SNX30: variants seen among roughly 807,000 people sequenced by gnomAD.
SNX30 encodes the protein sorting nexin-30.
A neutral mutation model predicts 46.4 loss-of-function variants in SNX30; 24 were observed. That is an observed-to-expected ratio of 0.52 (90% CI 0.37 to 0.73). The LOEUF (loss-of-function observed/expected upper bound fraction) is 0.73, where lower values mean the gene tolerates loss of function less well. Among genes scored for constraint, SNX30 ranks in the 30% least tolerant of loss-of-function variants. SNX30 has a pLI of 0.00. For synonymous variants in SNX30, 189 were observed against 211.5 expected (o/e 0.89, Z 0.92); for missense variants, 533 against 555.7 (o/e 0.96, Z 0.41).
At chr9:112,781,879 T>C (rs1416484576) in intron 1 of SNX30, among the ~76,000 whole-genome samples, 2 of 151,446 alleles carry the variant, frequency 1.3e-5, no homozygotes, top group Admixed American at 6.6e-5. Flanking sequence ...TGAAATCAGG[T>C]GATCCACCCG....
Position 112,750,870 on chromosome 9 carries a change from C to G in SNX30, c.-132C>G, listed in dbSNP as rs1839261363. 3.6e-6 allele frequency: 3 copies of G among 830,234 alleles called. No individual in the cohort carries two copies. Among genetic ancestry groups the G allele is most frequent in the Non-Finnish European group, 4.5e-6 (3 of 672,190 alleles). The allele number at this position is 830,234 out of a possible 1,614,324, so 51.4% of individuals were successfully genotyped here. A position where few individuals can be genotyped will look rare whatever the true frequency, so the allele number is the denominator to read the frequency against. On this transcript the variant is annotated 5_prime_UTR_variant, in exon 1 of 9. Transcript: ENST00000374232. Reference sequence around the variant, plus strand: ...GAGACCAGCCGGCGGGTGGCGGCGGCCCCCAGCACGGCCGGTGCAAGGCCT... The same window carrying G: ...GAGACCAGCCGGCGGGTGGCGGCGGGCCCCAGCACGGCCGGTGCAAGGCCT...
At chr9:112,795,441 C>T (rs1255000316) in intron 1 of SNX30, among the ~76,000 whole-genome samples, 1 of 152,010 alleles carries the variant, frequency 6.6e-6, no homozygotes, top group African/African-American at 2.4e-5. Context: ...TTTTGATAGG[C>T]AAGGGATTGA....
At chr9:112,807,788 A>G (rs1840253810) in intron 2 of SNX30, among the ~76,000 whole-genome samples, 1 of 152,190 alleles carries the variant, frequency 6.6e-6, no homozygotes, top group Non-Finnish European at 1.5e-5. Flanking sequence ...ACTGCAACTC[A>G]CCAGTCTTTC....
chr9:112,786,025 C>G (rs528252576), intron 1 of SNX30, among the ~76,000 whole-genome samples: 1 of 151,960 alleles, frequency 6.6e-6, no homozygotes, highest in Non-Finnish European at 1.5e-5. Context: ...GCTTATTGAT[C>G]TCTTGCATAT....
At chr9:112,763,360 C>CTTTTTTTTT (rs751720343) in intron 1 of SNX30, among the ~76,000 whole-genome samples, 1 of 47,566 alleles carries the variant, frequency 2.1e-5, no homozygotes, top group Non-Finnish European at 3.4e-5. Flanking sequence ...GCTATTTAAA[C>CTTTTTTTTT]TTTTTTTTTT....
In SNX30 at chr9:112,837,882, C is replaced by CT. The variant is rs1564286998; in HGVS notation, c.815-612dup. On this transcript the variant is annotated intron_variant, in intron 5 of 8. Coordinates refer to ENST00000374232, the MANE Select transcript of SNX30 (RefSeq NM_001012994.2). ...TCACACTATGGGTAGGCGAGTGGTT[C>CT]TTTTCTTTTTTTTTTTTTTTTTTTT... 8.7e-5 allele frequency among the ~76,000 whole-genome samples: 12 copies of CT among 137,816 alleles called. 1 individual carries two copies. Among genetic ancestry groups the CT allele is most frequent in the Non-Finnish European group, 1.1e-4 (7 of 65,890 alleles). 90.4% of individuals were successfully genotyped at this position (137,816 alleles called of 152,430 possible).
intron 4 of SNX30, among the ~76,000 whole-genome samples, chr9:112,833,049 T>C (rs1276445577): frequency 1.3e-5 from 2 of 151,970 alleles, no homozygotes; most frequent in Non-Finnish European, 1.5e-5. Context: ...AAAATTGTGA[T>C]AAAATACACC....
At chr9:112,778,270 C>CTTTT (rs1001151120) in intron 1 of SNX30, among the ~76,000 whole-genome samples, 8 of 123,350 alleles carry the variant, frequency 6.5e-5, no homozygotes, top group East Asian at 2.4e-4. Context: ...GGCCATATTC[C>CTTTT]TTTTTTTTTT....
At chr9:112,761,837 A>T (rs1041799696) in intron 1 of SNX30, among the ~76,000 whole-genome samples, 1 of 152,152 alleles carries the variant, frequency 6.6e-6, no homozygotes, top group Non-Finnish European at 1.5e-5. Context: ...TGCCTCCAGG[A>T]AGCTCTTTTT....
At chr9:112,789,671 T>C (rs953148866) in intron 1 of SNX30, among the ~76,000 whole-genome samples, 2 of 152,196 alleles carry the variant, frequency 1.3e-5, no homozygotes, top group African/African-American at 4.8e-5. Context: ...ATCATAAGAA[T>C]GTCTGGAGAA....
At chr9:112,850,808 G>A in intron 6 of SNX30, 51 bp from the exon 7 acceptor site, 1 of 1,400,936 alleles carries the variant, frequency 7.1e-7, no homozygotes, top group Non-Finnish European at 1.0e-6. Context: ...GGGGGTGGGA[G>A]GCCCCTTTGT....
chr9:112,876,741 G>T (rs1244372535), downstream of SNX30, among the ~76,000 whole-genome samples: 1 of 151,322 alleles, frequency 6.6e-6, no homozygotes, highest in Non-Finnish European at 1.5e-5. Context: ...GTTCGAGACC[G>T]GCCTAGCCAA....
chr9:112,760,472 C>T (rs1327643912), intron 1 of SNX30, among the ~76,000 whole-genome samples: 1 of 152,122 alleles, frequency 6.6e-6, no homozygotes, highest in Non-Finnish European at 1.5e-5. Flanking sequence ...GCAGTCTTTC[C>T]TGAGATTTAT....
At chr9:112,866,721 C>CTCCTCAGAACTCCTCCCACA (rs1402426942) in intron 8 of SNX30, among the ~76,000 whole-genome samples, 1 of 151,788 alleles carries the variant, frequency 6.6e-6, no homozygotes, top group Non-Finnish European at 1.5e-5. Context: ...TTCCTCCCAC[C>CTCCTCAGAACTCCTCCCACA]TCCTCAGAAC....
At chr9:112,809,426 TG>T (rs1350256115) in intron 2 of SNX30, among the ~76,000 whole-genome samples, 1 of 152,144 alleles carries the variant, frequency 6.6e-6, no homozygotes, top group Non-Finnish European at 1.5e-5. Flanking sequence ...TACCCAGCAC[TG>T]TGGTCCAGTA....
chr9:112,879,561 G>C, downstream of SNX30: 1 of 539,134 alleles, frequency 1.9e-6, no homozygotes, highest in Non-Finnish European at 3.4e-6. Flanking sequence ...AGCTGAGAAC[G>C]TTTTTCCATC....
At chr9:112,880,804 T>C (rs1841566916) in intron 5 of SNX30, among the ~76,000 whole-genome samples, 1 of 152,224 alleles carries the variant, frequency 6.6e-6, no homozygotes, top group Non-Finnish European at 1.5e-5. Flanking sequence ...TTTTTATCCA[T>C]TTATGGCATC....
At chr9:112,769,811 C>T (rs1839616594) in intron 1 of SNX30, among the ~76,000 whole-genome samples, 1 of 152,188 alleles carries the variant, frequency 6.6e-6, no homozygotes, top group Admixed American at 6.5e-5. Flanking sequence ...CCACTGCCTT[C>T]TTGATGTTTA....
At chr9:112,769,431 G>A (rs990448428) in intron 1 of SNX30, among the ~76,000 whole-genome samples, 1 of 152,204 alleles carries the variant, frequency 6.6e-6, no homozygotes, top group Non-Finnish European at 1.5e-5. Flanking sequence ...GATGCCAGGA[G>A]TCTCCACTAC....
Sources: gnomAD v4.1 joint callset for allele counts (sites outside exome capture counted in the v4.1 genomes callset) on GRCh38, gnomAD v4.1.1 for gene constraint, MANE v1.5 for transcripts, NCBI Gene and HGNC (gene_info 2026-07-23, HGNC 2026-07-21) for gene names.